The following ST6GALNAC3 variants were observed in gnomAD, a reference collection of about 807,000 sequenced individuals.
ST6GALNAC3 encodes ST6 N-acetylgalactosaminide alpha-2,6-sialyltransferase 3.
A neutral mutation model predicts 32.7 loss-of-function variants in ST6GALNAC3; 25 were observed. That is an observed-to-expected ratio of 0.76 (90% CI 0.56 to 1.07). The LOEUF (loss-of-function observed/expected upper bound fraction) is 1.07, where lower values mean the gene tolerates loss of function less well. Among genes scored for constraint, ST6GALNAC3 ranks in the 50% least tolerant of loss-of-function variants. The probability of loss-of-function intolerance (pLI) is 0.00; values close to 1 mark genes in which losing one functional copy is unlikely to be tolerated. For missense variants in ST6GALNAC3, 355 were observed against 382.4 expected (o/e 0.93, Z 0.60); for synonymous variants, 129 against 133.1 (o/e 0.97, Z 0.21).
At chr1:76,242,109 C>G (rs1360022665) in intron 1 of ST6GALNAC3, among the ~76,000 whole-genome samples, 1 of 152,158 alleles carries the variant, frequency 6.6e-6, no homozygotes, top group Non-Finnish European at 1.5e-5. Flanking sequence ...CTGTTGTTCT[C>G]CCACCTTTTC....
chr1:76,502,503 C>T (rs1254987673), intron 3 of ST6GALNAC3, among the ~76,000 whole-genome samples: 1 of 152,102 alleles, frequency 6.6e-6, no homozygotes, highest in South Asian at 2.1e-4. Flanking sequence ...CTCTAGACCT[C>T]TCTCTTTGGC....
At chr1:76,625,909 A>G (rs1648939111) in intron 3 of ST6GALNAC3, among the ~76,000 whole-genome samples, 1 of 151,836 alleles carries the variant, frequency 6.6e-6, no homozygotes, top group Admixed American at 6.6e-5. Context: ...AACATTTCAG[A>G]CTCAGTGACA....
chr1:76,364,359 G>A (rs1384114939), intron 2 of ST6GALNAC3, among the ~76,000 whole-genome samples: 1 of 152,090 alleles, frequency 6.6e-6, no homozygotes, highest in East Asian at 1.9e-4. Context: ...GACTAGCCTG[G>A]CCAACATGGC....
chr1:76,412,368 C>G lies in ST6GALNAC3; in HGVS notation c.574C>G (p.Arg192Gly). 1 of 1,612,374 alleles carries G rather than the reference C, an allele frequency of 6.2e-7. No homozygotes were observed. The highest frequency in any genetic ancestry group is 8.5e-7 in the Non-Finnish European group (1 of 1,179,024). Residue 192 changes from arginine to glycine, a missense_variant, in exon 3 of 5, where the codon CGC becomes GGC. By Grantham distance (125) the Arg-to-Gly change is moderately radical (BLOSUM62 -2). Transcript: ENST00000328299. ...NAQIYVTTEKRMSYCDGVFKK... is the reference protein window; with the variant it reads ...NAQIYVTTEKGMSYCDGVFKK... ...CCAAATATACGTGACCACAGAGAAG[C>G]GCATGAGTTACTGTGATGGAGTTTT... is the stretch of plus-strand genomic sequence containing the variant.
intron 1 of ST6GALNAC3, among the ~76,000 whole-genome samples, chr1:76,242,329 G>A (rs1657010632): frequency 6.6e-6 from 1 of 152,128 alleles, no homozygotes; most frequent in African/African-American, 2.4e-5. Context: ...GCTGGGATGA[G>A]CTAGAGTTGG....
At chr1:76,558,169 G>T (rs974428353) in intron 3 of ST6GALNAC3, among the ~76,000 whole-genome samples, 1 of 152,150 alleles carries the variant, frequency 6.6e-6, no homozygotes, top group Non-Finnish European at 1.5e-5. Context: ...CAGCCACTGT[G>T]GAAAGCAGTT....
intron 1 of ST6GALNAC3, among the ~76,000 whole-genome samples, chr1:76,210,432 G>T (rs1026743002): frequency 6.6e-6 from 1 of 152,118 alleles, no homozygotes; most frequent in African/African-American, 2.4e-5. Flanking sequence ...CTAAATCTAT[G>T]ATTGAACCTT....
chr1:76,591,985 G>T (rs550056662), intron 3 of ST6GALNAC3, among the ~76,000 whole-genome samples: 2 of 152,300 alleles, frequency 1.3e-5, no homozygotes, highest in East Asian at 1.9e-4. Flanking sequence ...TGCAAGTAAA[G>T]GGTCAACCTG....
chr1:76,367,369 A>G (rs564516321), intron 2 of ST6GALNAC3, among the ~76,000 whole-genome samples: 185 of 152,206 alleles, frequency 1.2e-3, no homozygotes, highest in African/African-American at 3.9e-3. Context: ...AAGAAACAAT[A>G]CCGTGTGGTA....
chr1:76,338,840 TAAAG>T (rs1371665380), intron 2 of ST6GALNAC3, among the ~76,000 whole-genome samples: 1 of 152,044 alleles, frequency 6.6e-6, no homozygotes, highest in Non-Finnish European at 1.5e-5. Context: ...TGTTGACAAA[TAAAG>T]AAAATAAGGT....
intron 3 of ST6GALNAC3, among the ~76,000 whole-genome samples, chr1:76,475,425 T>G (rs925555574): frequency 1.3e-5 from 2 of 152,170 alleles, no homozygotes; most frequent in African/African-American, 4.8e-5. Context: ...GAAAAGCACT[T>G]AGTCTGGTAA....
At chr1:76,225,885 T>C (rs1355054250) in intron 1 of ST6GALNAC3, among the ~76,000 whole-genome samples, 1 of 152,182 alleles carries the variant, frequency 6.6e-6, no homozygotes, top group Non-Finnish European at 1.5e-5. Context: ...TATTACTTAC[T>C]AGCCTCATTT....
intron 3 of ST6GALNAC3, among the ~76,000 whole-genome samples, chr1:76,595,984 A>T (rs1647130908): frequency 6.6e-6 from 1 of 151,554 alleles, no homozygotes; most frequent in Non-Finnish European, 1.5e-5. Flanking sequence ...TACTCAGGGG[A>T]TGCAGCTTTA....
chr1:76,282,128 T>G (rs1033944021), intron 1 of ST6GALNAC3, among the ~76,000 whole-genome samples: 1 of 152,050 alleles, frequency 6.6e-6, no homozygotes, highest in African/African-American at 2.4e-5. Context: ...TCCTTGTTTT[T>G]TTCTCCTTCT....
intron 3 of ST6GALNAC3, among the ~76,000 whole-genome samples, chr1:76,533,068 G>A (rs1224558873): frequency 1.3e-5 from 2 of 152,094 alleles, no homozygotes; most frequent in African/African-American, 4.8e-5. Context: ...CTGCCAGAAT[G>A]TGCTGTGTAC....
At chr1:76,555,386 G>A (rs1418740075) in intron 3 of ST6GALNAC3, among the ~76,000 whole-genome samples, 1 of 152,074 alleles carries the variant, frequency 6.6e-6, no homozygotes, top group East Asian at 1.9e-4. Flanking sequence ...AAAATGATGG[G>A]GCAGGGAGAG....
At chr1:76,244,298 G>A (rs542216209) in intron 1 of ST6GALNAC3, among the ~76,000 whole-genome samples, 2 of 152,234 alleles carry the variant, frequency 1.3e-5, no homozygotes, top group Admixed American at 1.3e-4. Context: ...CATTGATTTT[G>A]TATCCTGAGA....
intron 3 of ST6GALNAC3, among the ~76,000 whole-genome samples, chr1:76,612,926 A>G (rs906492280): frequency 6.6e-6 from 1 of 152,224 alleles, no homozygotes; most frequent in Admixed American, 6.5e-5. Context: ...ACGGAGAACT[A>G]CAGAAGCTTT....
At chr1:76,093,958 T>G (rs1647086924) in intron 1 of ST6GALNAC3, among the ~76,000 whole-genome samples, 1 of 152,254 alleles carries the variant, frequency 6.6e-6, no homozygotes. Context: ...GTACACTGCA[T>G]GCATTCATAA....
Sources: allele counts gnomAD v4.1 joint callset (sites outside exome capture counted in the v4.1 genomes callset), GRCh38; gene constraint gnomAD v4.1.1; transcripts MANE v1.5; gene names NCBI Gene and HGNC (gene_info 2026-07-23, HGNC 2026-07-21).